The following MCF2 variants were observed in gnomAD, a reference collection of about 807,000 sequenced individuals.
The protein encoded by MCF2 is proto-oncogene DBL.
MCF2 carries 44 observed loss-of-function variants against 82.5 expected under a neutral mutation model. The ratio of observed to expected loss-of-function variants is 0.53; its 90% CI spans 0.42 to 0.69. The LOEUF (loss-of-function observed/expected upper bound fraction) is 0.69. MCF2 is among the 30% of genes least tolerant of loss of function. The pLI, the probability that MCF2 is intolerant of heterozygous loss-of-function variation, is 0.00. For synonymous variants in MCF2, 217 were observed against 224.9 expected, an observed-to-expected ratio of 0.96 and a Z score of 0.32; for missense variants, 623 against 663.1, an observed-to-expected ratio of 0.94 and a Z score of 0.66.
At chrX:139,617,571 A>T in exon 8 of MCF2, 1 of 1,202,902 alleles carries the variant, frequency 8.3e-7, no homozygotes, top group Non-Finnish European at 1.1e-6. Flanking sequence ...TTTTGCTTTT[A>T]TCTCATTAAC....
intron 7 of MCF2, among the ~76,000 whole-genome samples, 180 bp from the exon 11 acceptor site, chrX:139,617,884 C>CA (rs1447970070): frequency 1.9e-4 from 20 of 107,373 alleles, no homozygotes; most frequent in African/African-American, 6.7e-4. Flanking sequence ...AACAAAAAAA[C>CA]AAAAACAAAA....
At chrX:139,673,067 T>G (rs1266572784) in intron 1 of MCF2, among the ~76,000 whole-genome samples, 44 of 112,045 alleles carry the variant, frequency 3.9e-4, no homozygotes, top group African/African-American at 1.4e-3. Flanking sequence ...TCGAGGAATT[T>G]ATCCATTTCT....
At chrX:139,657,735 G>T (rs1234720296) in intron 1 of MCF2, among the ~76,000 whole-genome samples, 1 of 111,811 alleles carries the variant, frequency 8.9e-6, no homozygotes, top group Admixed American at 9.5e-5. Flanking sequence ...CAAACCTATT[G>T]ATCAGGTTTG....
chrX:139,609,648 A>G (rs1302534353), intron 11 of MCF2, among the ~76,000 whole-genome samples: 5 of 111,679 alleles, frequency 4.5e-5, no homozygotes, highest in Non-Finnish European at 9.4e-5. Context: ...ACTGAGAAGA[A>G]CAGAATCTTG....
At chrX:139,601,514 T>A (rs1930550393) in intron 16 of MCF2, among the ~76,000 whole-genome samples, 1 of 111,383 alleles carries the variant, frequency 9.0e-6, no homozygotes, top group Non-Finnish European at 1.9e-5. Context: ...AGCAATGAAG[T>A]CTTAGGGTAG....
chrX:139,691,093 T>C (rs1935252164), intron 1 of MCF2, among the ~76,000 whole-genome samples: 1 of 112,026 alleles, frequency 8.9e-6, no homozygotes, highest in African/African-American at 3.2e-5. Flanking sequence ...AATCAAACCA[T>C]GGCAGCGGCC....
At chrX:139,665,591 A>G (rs1467180111) in intron 1 of MCF2, among the ~76,000 whole-genome samples, 1 of 110,079 alleles carries the variant, frequency 9.1e-6, no homozygotes, top group Non-Finnish European at 1.9e-5. Context: ...TGTCTTTCCT[A>G]CCCTCTTCAG....
intron 8 of MCF2, 72 bp downstream of exon 11, chrX:139,617,441 G>T: frequency 1.2e-6 from 1 of 828,150 alleles, no homozygotes; most frequent in Non-Finnish European, 1.7e-6. Context: ...AGGGCAAGGT[G>T]CTTCAGGCTA....
At chrX:139,696,783 C>T (rs183355186) in intron 1 of MCF2, among the ~76,000 whole-genome samples, 325 of 111,523 alleles carry the variant, frequency 2.9e-3, no homozygotes, top group Middle Eastern at 0.028. Context: ...GTAAAAATAT[C>T]CTTACTACCT....
intron 2 of MCF2, among the ~76,000 whole-genome samples, chrX:139,648,437 C>G (rs752686929): frequency 9.1e-6 from 1 of 109,845 alleles, no homozygotes; most frequent in African/African-American, 3.3e-5. Context: ...CAATACTCAA[C>G]GCAAAAGAAG....
At chrX:139,588,467 G>A in intron 20 of MCF2, 29 bp from the exon 25 acceptor site, 1 of 948,432 alleles carries the variant, frequency 1.1e-6, no homozygotes, top group Non-Finnish European at 1.5e-6. Context: ...GCGGGAGGGA[G>A]GTGGTACACA....
intron 1 of MCF2, among the ~76,000 whole-genome samples, chrX:139,657,150 T>C (rs955574331): frequency 6.2e-5 from 7 of 112,232 alleles, no homozygotes; most frequent in African/African-American, 2.3e-4. Flanking sequence ...CATGTGCTTG[T>C]ACAATCAAAC....
intron 1 of MCF2, among the ~76,000 whole-genome samples, chrX:139,635,256 G>T (rs755712765): frequency 2.3e-4 from 26 of 111,204 alleles, no homozygotes; most frequent in African/African-American, 8.2e-4. Flanking sequence ...AAGTTAACAT[G>T]TATACAGAAA....
intron 20 of MCF2, 145 bp downstream of exon 24, chrX:139,589,690 A>G (rs1603273827): frequency 4.2e-6 from 2 of 472,286 alleles, no homozygotes; most frequent in East Asian, 7.8e-5. Context: ...AATACATCAC[A>G]AAGAATATTC....
At chrX:139,700,304 C>G (rs765257063) in intron 1 of MCF2, among the ~76,000 whole-genome samples, 1 of 111,297 alleles carries the variant, frequency 9.0e-6, no homozygotes. Flanking sequence ...GAGCCTACCC[C>G]TCCTGTGATA....
At position 139,617,324 on chromosome X, in the gene MCF2, C is replaced by T. The variant is rs371229880; in HGVS notation, c.999+189G>A. ...TTCATTGGTAGATGGATGAAAAAAT[C>T]ATAATCAAACTCAGTCCTTCAGACT... On this transcript the variant is annotated intron_variant, in intron 8 of 24. Transcript: ENST00000370576. Among the ~76,000 whole-genome samples the T allele has an allele frequency of 4.1e-3, 460 of 111,420 alleles. 1 individual carries two copies. Among genetic ancestry groups the T allele is most frequent in the Non-Finnish European group, 6.5e-3 (342 of 52,879 alleles).
At chrX:139,645,718 G>T (rs1889177127), upstream of MCF2, 3 of 596,367 alleles carry the variant, frequency 5.0e-6, no homozygotes, top group Middle Eastern at 3.3e-4. Flanking sequence ...TGTTATATAT[G>T]CCTTCATTCT....
chrX:139,651,831 T>C, intron 1 of MCF2, 43 bp from the exon 2 acceptor site: 1 of 799,298 alleles, frequency 1.3e-6, no homozygotes, highest in African/African-American at 2.0e-5. Flanking sequence ...CATGTTAAGG[T>C]ACAGCCTTAC....
intron 1 of MCF2, among the ~76,000 whole-genome samples, chrX:139,687,660 G>T (rs934766711): frequency 8.9e-6 from 1 of 112,706 alleles, no homozygotes; most frequent in African/African-American, 3.2e-5. Flanking sequence ...TAAAATGCAC[G>T]TGGAATTGCT....
Sources: allele counts gnomAD v4.1 joint callset (sites outside exome capture counted in the v4.1 genomes callset), GRCh38; gene constraint gnomAD v4.1.1; transcripts MANE v1.5; gene names NCBI Gene and HGNC (gene_info 2026-07-23, HGNC 2026-07-21).